The following MYO3B variants were observed in gnomAD, a reference collection of about 807,000 sequenced individuals.
MYO3B encodes the protein myosin IIIB.
Under a neutral mutation model 174.6 loss-of-function variants are expected in MYO3B, and 156 were observed. That is an observed-to-expected ratio of 0.89 (90% confidence interval 0.78 to 1.02). The LOEUF is 1.02. MYO3B is among the 50% of genes least tolerant of loss of function. The pLI is 0.00. For synonymous variants in MYO3B, 563 were observed against 569.1 expected (o/e 0.99, Z 0.15); for missense variants, 1,632 against 1,639.4 (o/e 1.00, Z 0.08).
At position 170,214,471 on chromosome 2, in the gene MYO3B, CG is replaced by C. The variant is rs1559305039; in HGVS notation, c.418del (p.Ala140ProfsTer18). On this transcript the variant is annotated frameshift_variant, in exon 4 of 35. Coordinates refer to ENST00000408978, the MANE Select transcript of MYO3B (RefSeq NM_138995.5). LOFTEE classifies it high-confidence loss of function. ...DEAMISYILY[G>X]ALLGLQHLHN... ...AAGCAATGATCTCATACATCTTGTACGGGGCCCTCTTGGTAAGAACATCTAT... is the reference window on the plus strand; with the variant it reads ...AAGCAATGATCTCATACATCTTGTACGGGCCCTCTTGGTAAGAACATCTAT... 4 of 1,613,862 alleles carry C rather than the reference CG, an allele frequency of 2.5e-6. No homozygotes were observed. The African/African-American group carries it at 4.0e-5, about 16-fold the overall frequency.
intron 6 of MYO3B, 32 bp from the exon 7 acceptor site, chr2:170,235,959 T>C (rs2093064982): frequency 2.5e-6 from 4 of 1,612,656 alleles, no homozygotes; most frequent in Non-Finnish European, 3.4e-6. Flanking sequence ...GGCAGTAGGG[T>C]TGATGTGTCA....
rs891372778 is a variant in MYO3B, at chr2:170,383,801, T to G, written c.1277T>G (p.Leu426Arg). The part of the protein sequence containing the change: ...ADAAYQCMVT[L>R]SKDQCIVISG... ...GCTGCTTACCAGTGCATGGTTACTCTCAGCAAAGACCAGGTAAGAACTCAC... is the reference window on the plus strand; with the variant it reads ...GCTGCTTACCAGTGCATGGTTACTCGCAGCAAAGACCAGGTAAGAACTCAC... The change falls in exon 12 of 35, where the codon CTC becomes CGC. Residue 426 changes from leucine to arginine, a missense_variant. Transcript: ENST00000408978. 1 of 1,613,172 alleles carries G rather than the reference T, an allele frequency of 6.2e-7. No individual in the cohort carries two copies. The highest frequency in any genetic ancestry group is 1.7e-5 in the Admixed American group (1 of 60,000).
At chr2:170,480,028 T>C (rs1685584445) in intron 25 of MYO3B, among the ~76,000 whole-genome samples, 1 of 101,334 alleles carries the variant, frequency 9.9e-6, no homozygotes, top group Admixed American at 1.2e-4. Context: ...AACCTATATA[T>C]ATGTGTGTGT....
intron 7 of MYO3B, among the ~76,000 whole-genome samples, chr2:170,323,378 A>T (rs75312924): frequency 3.3e-5 from 5 of 152,344 alleles, no homozygotes; most frequent in Non-Finnish European, 7.3e-5. Flanking sequence ...GCTTAAGTTG[A>T]TAGGATGAAC....
chr2:170,600,262 A>G (rs1342521472), intron 32 of MYO3B, among the ~76,000 whole-genome samples: 4 of 152,158 alleles, frequency 2.6e-5, no homozygotes, highest in Admixed American at 6.5e-5. Context: ...TAACAAAACA[A>G]CACTCCATCA....
chr2:170,258,744 A>G (rs1465240722), intron 7 of MYO3B, among the ~76,000 whole-genome samples: 1 of 152,158 alleles, frequency 6.6e-6, no homozygotes, highest in African/African-American at 2.4e-5. Context: ...AAAGGCATCC[A>G]TATAGGAAAA....
chr2:170,272,113 A>G (rs2093429669), intron 7 of MYO3B, among the ~76,000 whole-genome samples: 1 of 149,930 alleles, frequency 6.7e-6, no homozygotes. Context: ...GCCCATGGAA[A>G]TGGGCTATTC....
intron 25 of MYO3B, among the ~76,000 whole-genome samples, chr2:170,491,141 G>A (rs938803268): frequency 6.6e-6 from 1 of 152,018 alleles, no homozygotes; most frequent in Non-Finnish European, 1.5e-5. Flanking sequence ...TATGGTGGAG[G>A]TGAGGTCATG....
intron 28 of MYO3B, among the ~76,000 whole-genome samples, chr2:170,503,361 T>G (rs1687403607): frequency 6.6e-6 from 1 of 152,164 alleles, no homozygotes; most frequent in African/African-American, 2.4e-5. Context: ...ATAGTAATAA[T>G]TGTATCTTTT....
At chr2:170,480,973 A>C (rs937643901) in intron 25 of MYO3B, among the ~76,000 whole-genome samples, 3 of 152,218 alleles carry the variant, frequency 2.0e-5, no homozygotes, top group Non-Finnish European at 4.4e-5. Context: ...CTATGAGGAC[A>C]TGGTCCACCA....
intron 22 of MYO3B, among the ~76,000 whole-genome samples, chr2:170,410,479 T>G (rs1975338): frequency 0.86 from 130,551 of 151,620 alleles, 56,590 homozygotes; most frequent in Middle Eastern, 0.95. Context: ...TACTAGGGAG[T>G]CTGGAGCAGG....
chr2:170,369,208 G>T lies in MYO3B; in HGVS notation c.816-14G>T. On this transcript the variant is annotated splice_polypyrimidine_tract_variant and intron_variant, in intron 8 of 34. Transcript: ENST00000408978. ...AGATTGTACTTTGGATTGTTTGTTGGTTTTTGCAAACAGGTGTCTTATTAA... is the reference window on the plus strand; with the variant it reads ...AGATTGTACTTTGGATTGTTTGTTGTTTTTTGCAAACAGGTGTCTTATTAA... 1.9e-6 allele frequency: 3 copies of T among 1,610,388 alleles called. No individual in the cohort carries two copies. Among genetic ancestry groups the T allele is most frequent in the Non-Finnish European group, 2.5e-6 (3 of 1,177,456 alleles).
chr2:170,398,017 T>C (rs1574913377), intron 16 of MYO3B, among the ~76,000 whole-genome samples: 1 of 149,960 alleles, frequency 6.7e-6, no homozygotes, highest in African/African-American at 2.5e-5. Flanking sequence ...AGGTCAGGAG[T>C]TCAAGACCAG....
intron 32 of MYO3B, among the ~76,000 whole-genome samples, chr2:170,632,968 G>A (rs1312338579): frequency 6.6e-6 from 1 of 152,134 alleles, no homozygotes; most frequent in Non-Finnish European, 1.5e-5. Context: ...CTGAAATTGA[G>A]GCAATAACTA....
chr2:170,292,980 A>G (rs1041959380), intron 7 of MYO3B, among the ~76,000 whole-genome samples: 4 of 152,080 alleles, frequency 2.6e-5, no homozygotes, highest in Admixed American at 6.5e-5. Flanking sequence ...ACATTTTTCC[A>G]GTGTAGAAAT....
intron 32 of MYO3B, among the ~76,000 whole-genome samples, chr2:170,564,661 T>C (rs1691950926): frequency 6.6e-6 from 1 of 152,146 alleles, no homozygotes; most frequent in South Asian, 2.1e-4. Context: ...GCAATATGTA[T>C]TGAGAGCATT....
intron 24 of MYO3B, among the ~76,000 whole-genome samples, chr2:170,465,511 A>G (rs1225861494): frequency 2.0e-5 from 3 of 152,120 alleles, no homozygotes; most frequent in Non-Finnish European, 4.4e-5. Flanking sequence ...ACATTTCAAC[A>G]TGAGATTTGG....
intron 7 of MYO3B, among the ~76,000 whole-genome samples, chr2:170,282,747 G>A (rs1327255769): frequency 5.3e-5 from 8 of 152,082 alleles, no homozygotes; most frequent in Non-Finnish European, 8.8e-5. Context: ...CTTGGGTAGC[G>A]TGCTAGAGTG....
chr2:170,371,583 G>A (rs925450760), intron 9 of MYO3B, among the ~76,000 whole-genome samples: 4 of 152,054 alleles, frequency 2.6e-5, no homozygotes, highest in African/African-American at 7.2e-5. Context: ...CAACTGGCAA[G>A]GAGCTGGCTA....
Sources: allele counts gnomAD v4.1 joint callset (sites outside exome capture counted in the v4.1 genomes callset), GRCh38; gene constraint gnomAD v4.1.1; transcripts MANE v1.5; gene names NCBI Gene and HGNC (gene_info 2026-07-23, HGNC 2026-07-21).